The following CCDC154 variants were observed in gnomAD, a reference collection of about 807,000 sequenced individuals.
CCDC154 encodes coiled-coil domain containing 154.
Under a neutral mutation model 87.5 loss-of-function variants are expected in CCDC154, and 91 were observed. That is an observed-to-expected ratio of 1.04 (90% CI 0.88 to 1.24). The LOEUF (loss-of-function observed/expected upper bound fraction) is 1.24. Ranked by LOEUF, CCDC154 falls within the 50% of genes most tolerant of loss-of-function variation. CCDC154 has a pLI of 0.00. For synonymous variants in CCDC154, 418 were observed against 400.4 expected (o/e 1.04, Z -0.52); for missense variants, 903 against 879.2 (o/e 1.03, Z -0.34).
At position 1,437,802 on chromosome 16, in the gene CCDC154, C is replaced by T. The variant is rs759722127; in HGVS notation, c.1290+15G>A. 2.2e-5 allele frequency: 34 copies of T among 1,521,964 alleles called. No individual in the cohort carries two copies. In the South Asian group the frequency reaches 2.8e-4, roughly 12 times the overall value. The allele number at this position is 1,521,964 out of a possible 1,614,324, so 94.3% of individuals were successfully genotyped here. A position where few individuals can be genotyped will look rare whatever the true frequency, so the allele number is the denominator to read the frequency against. On this transcript the variant is annotated intron_variant, in intron 11 of 16. Coordinates refer to ENST00000389176, the MANE Select transcript of CCDC154 (RefSeq NM_001143980.3). ...CCCCATAGCCCCGCCTGCCCCCGCC[C>T]GCTGCCTGGCGCACCTCGGACAGCC...
rs1346057255 is a variant in CCDC154 at position 1,439,102 on chromosome 16, C to A, written c.700G>T (p.Glu234Ter). 6.5e-6 allele frequency: 10 copies of A among 1,550,196 alleles called. No homozygotes were observed. The highest frequency in any genetic ancestry group is 8.7e-6 in the Non-Finnish European group (10 of 1,146,888). The change falls in exon 7 of 17, where the codon GAG (glutamate) becomes TAG (stop). Residue 234 changes from glutamate to a stop codon, truncating the protein, a stop_gained. Coordinates refer to ENST00000389176, the MANE Select transcript of CCDC154 (RefSeq NM_001143980.3). LOFTEE classifies it high-confidence loss of function. ...CTCTTCAGGAAGCGCAGGCTCACCT[C>A]TTCGCCGAGCTTGGTCACCTGGGCC... ...MQAQVTKLGE[E>*]VSLRFLKREA...
intron 13 of CCDC154, 23 bp from the exon 14 acceptor site, chr16:1,436,109 C>A: frequency 1.3e-6 from 2 of 1,543,280 alleles, no homozygotes; most frequent in South Asian, 1.2e-5. Context: ...GAGGCCGAGG[C>A]TGGCTGTCGG....
intron 13 of CCDC154, 79 bp downstream of exon 13, chr16:1,436,366 G>A: frequency 8.2e-7 from 1 of 1,223,664 alleles, no homozygotes; most frequent in South Asian, 1.3e-5. Flanking sequence ...GGGGATTGTG[G>A]AGAGTAGCGT....
At chr16:1,435,627 G>A (rs191991975) in intron 14 of CCDC154, among the ~76,000 whole-genome samples, 22 of 152,370 alleles carry the variant, frequency 1.4e-4, no homozygotes, top group Non-Finnish European at 2.9e-4. Flanking sequence ...CCAGGTTCGA[G>A]TGATTCTCCT....
intron 11 of CCDC154, 29 bp downstream of exon 11, chr16:1,437,788 C>T (rs58872616): frequency 1.1e-5 from 16 of 1,512,372 alleles, no homozygotes; most frequent in East Asian, 5.0e-5. Flanking sequence ...CCCATAGCCC[C>T]GCCTGCCCCC....
At position 1,438,112 on chromosome 16, in the gene CCDC154, G is replaced by A. The variant is rs1477740718; in HGVS notation, c.1090C>T (p.Leu364=). 2.6e-6 allele frequency: 4 copies of A among 1,548,862 alleles called. No individual in the cohort carries two copies. Among genetic ancestry groups the A allele is most frequent in the Non-Finnish European group, 3.5e-6 (4 of 1,146,262 alleles). Reference sequence around the variant, plus strand: ...TCGCCAGCCAGCTGTGCGGCCTCCAGGTTCTCCTGCACATAGGCGGCCAGC... The same window carrying A: ...TCGCCAGCCAGCTGTGCGGCCTCCAAGTTCTCCTGCACATAGGCGGCCAGC... ...GELAAYVQEN[L]EAAQLAGELA... The change falls in exon 10 of 17, where the codon CTG becomes TTG. Residue 364 remains leucine (L), a synonymous_variant. Coordinates refer to ENST00000389176, the MANE Select transcript of CCDC154 (RefSeq NM_001143980.3).
chr16:1,436,891 G>A (rs2038507105), intron 11 of CCDC154, 80 bp from the exon 12 acceptor site: 1 of 1,522,822 alleles, frequency 6.6e-7, no homozygotes, highest in Non-Finnish European at 8.9e-7. Context: ...GGGGAGCTCT[G>A]GGGAGCAGGC....
intron 12 of CCDC154, 44 bp downstream of exon 12, chr16:1,436,648 C>T (rs1467929939): frequency 7.1e-6 from 11 of 1,547,752 alleles, no homozygotes; most frequent in Non-Finnish European, 9.6e-6. Context: ...CCCACGCCAC[C>T]TCCAAGGCCC....
chr16:1,440,083 G>A (rs1160563865), intron 6 of CCDC154, among the ~76,000 whole-genome samples: 1 of 147,374 alleles, frequency 6.8e-6, no homozygotes, highest in Non-Finnish European at 1.5e-5. Flanking sequence ...GGAGATGGAG[G>A]TTGCAGTGAG....
At chr16:1,434,634 C>A in intron 16 of CCDC154, 34 bp downstream of exon 16, 1 of 1,539,724 alleles carries the variant, frequency 6.5e-7, no homozygotes, top group Non-Finnish European at 8.7e-7. Context: ...GGCCCAAAGG[C>A]CCAGGAGGCC....
At chr16:1,439,536 G>A (rs2038533028) in intron 6 of CCDC154, among the ~76,000 whole-genome samples, 1 of 151,722 alleles carries the variant, frequency 6.6e-6, no homozygotes, top group Non-Finnish European at 1.5e-5. Flanking sequence ...CTGCTTTCCT[G>A]CCGCCCTGAA....
Position 1,443,650 on chromosome 16 carries a change from C to T in CCDC154, c.270G>A (p.Lys90=). The T allele has an allele frequency of 7.5e-7, 1 of 1,334,132 alleles. No individual in the cohort carries two copies. Among genetic ancestry groups the T allele is most frequent in the Non-Finnish European group, 9.7e-7 (1 of 1,025,812 alleles). 82.6% of individuals were successfully genotyped at this position (1,334,132 alleles called of 1,614,324 possible). A position where few individuals can be genotyped will look rare whatever the true frequency, so the allele number is the denominator to read the frequency against. Residue 90 remains lysine, a synonymous_variant, in exon 3 of 17, where the codon AAG becomes AAA. Coordinates refer to ENST00000389176, the MANE Select transcript of CCDC154 (RefSeq NM_001143980.3). The part of the protein sequence containing the change: ...QAEVACLREH[K]QRCERATRSL... ...TCCGCGTGGCGCGCTCACAGCGCTGCTTGTGCTCCCGCAGGCAGGCCACCT... is the reference window on the plus strand; with the variant it reads ...TCCGCGTGGCGCGCTCACAGCGCTGTTTGTGCTCCCGCAGGCAGGCCACCT...
intron 14 of CCDC154, 92 bp from the exon 15 acceptor site, chr16:1,435,267 TA>T (rs2038490775): frequency 8.6e-7 from 1 of 1,164,860 alleles, no homozygotes; most frequent in Non-Finnish European, 1.2e-6. Flanking sequence ...GTTGAGTGCT[TA>T]CAGCTTGGGC....
In CCDC154 at chr16:1,443,708, A is replaced by G; in HGVS notation, c.225-13T>C. On this transcript the variant is annotated splice_polypyrimidine_tract_variant and intron_variant, in intron 2 of 16. Coordinates refer to ENST00000389176, the MANE Select transcript of CCDC154 (RefSeq NM_001143980.3). ...CAGCTCCACCACCCTGGCCGGGGCG[A>G]GAGTGGGCGAGTCTGGCGGTGCCCG... 7.7e-7 allele frequency: 1 copy of G among 1,296,624 alleles called. No individual in the cohort carries two copies. Among genetic ancestry groups the G allele is most frequent in the South Asian group, 1.3e-5 (1 of 79,034 alleles). 80.3% of individuals were successfully genotyped at this position (1,296,624 alleles called of 1,614,324 possible). A position where few individuals can be genotyped will look rare whatever the true frequency, so the allele number is the denominator to read the frequency against.
chr16:1,435,901 C>T (rs570843850), intron 14 of CCDC154, 68 bp downstream of exon 14: 8 of 1,345,220 alleles, frequency 5.9e-6, no homozygotes, highest in South Asian at 2.6e-5. Flanking sequence ...CCTCTCCGCA[C>T]GGCTGCCCCG....
chr16:1,437,116 T>G, intron 11 of CCDC154: 1 of 404,310 alleles, frequency 2.5e-6, no homozygotes. Flanking sequence ...TCGCCCACGT[T>G]TGCAGCCGCG....
chr16:1,436,355 A>T (rs1279302139), intron 13 of CCDC154, 90 bp downstream of exon 13: 3 of 1,157,392 alleles, frequency 2.6e-6, no homozygotes, highest in Non-Finnish European at 3.7e-6. Context: ...TCACGATACC[A>T]GGGGATTGTG....
At chr16:1,441,545 C>T (rs990736014) in intron 6 of CCDC154, among the ~76,000 whole-genome samples, 2 of 152,210 alleles carry the variant, frequency 1.3e-5, no homozygotes, top group African/African-American at 4.8e-5. Context: ...ACTCCAGCCC[C>T]GTGGGTGGGA....
At chr16:1,436,910 C>T (rs2038507236) in intron 11 of CCDC154, 99 bp from the exon 12 acceptor site, 11 of 1,459,036 alleles carry the variant, frequency 7.5e-6, no homozygotes, top group South Asian at 1.3e-5. Flanking sequence ...GCGGCCCCCA[C>T]CCCCACTTCC....
Sources: gnomAD v4.1 joint callset for allele counts (sites outside exome capture counted in the v4.1 genomes callset) on GRCh38, gnomAD v4.1.1 for gene constraint, MANE v1.5 for transcripts, NCBI Gene and HGNC (gene_info 2026-07-23, HGNC 2026-07-21) for gene names.